Variants in RICTOR observed in about 807,000 individuals in gnomAD.
The protein encoded by RICTOR is rapamycin-insensitive companion of mTOR.
A neutral mutation model predicts 214.9 loss-of-function variants in RICTOR; 49 were observed. The ratio of observed to expected loss-of-function variants is 0.23; its 90% confidence interval spans 0.18 to 0.29. The LOEUF (loss-of-function observed/expected upper bound fraction) is 0.29, where lower values mean the gene tolerates loss of function less well. RICTOR is among the 10% of genes least tolerant of loss of function. RICTOR has a pLI of 1.00. For synonymous variants in RICTOR, 717 were observed against 711.3 expected, an observed-to-expected ratio of 1.01 and a Z score of -0.13; for missense variants, 1,625 against 2,047.0, an observed-to-expected ratio of 0.79 and a Z score of 3.98.
At chr5:38,949,589 T>C (rs1279568341) in intron 31 of RICTOR, 123 bp downstream of exon 31, 15 of 1,054,878 alleles carry the variant, frequency 1.4e-5, no homozygotes, top group African/African-American at 3.2e-5. Context: ...TAGCCTACCA[T>C]AGTAAACAAT....
chr5:39,025,595 G>A (rs1403961599), intron 2 of RICTOR, among the ~76,000 whole-genome samples: 2 of 152,186 alleles, frequency 1.3e-5, no homozygotes, highest in Non-Finnish European at 2.9e-5. Context: ...TAGTTCTGCA[G>A]GCTGCAAGTC....
At chr5:39,003,444 T>C in intron 4 of RICTOR, 114 bp downstream of exon 4, 1 of 654,450 alleles carries the variant, frequency 1.5e-6, no homozygotes, top group East Asian at 3.0e-5. Context: ...CAAGCAACTA[T>C]TTCTATAAAA....
At chr5:39,007,219 T>C (rs1754154892) in intron 3 of RICTOR, among the ~76,000 whole-genome samples, 1 of 152,192 alleles carries the variant, frequency 6.6e-6, no homozygotes, top group South Asian at 2.1e-4. Flanking sequence ...AACAGAAATG[T>C]ACTTTTTCAT....
At position 38,958,537 on chromosome 5, in the gene RICTOR, T is replaced by C. The variant is rs1211807739; in HGVS notation, c.2344-18A>G. On this transcript the variant is annotated intron_variant, in intron 23 of 37. Transcript: ENST00000357387. Reference sequence around the variant, plus strand: ...AGATTGGCCTAAAAGAGATTATCATTATTTTTTTATAATTGCACAAAAATA... The same window carrying C: ...AGATTGGCCTAAAAGAGATTATCATCATTTTTTTATAATTGCACAAAAATA... The C allele has an allele frequency of 1.9e-6, 3 of 1,593,912 alleles. No homozygotes were observed. The African/African-American group carries it at 4.0e-5, about 21-fold the overall frequency.
intron 2 of RICTOR, among the ~76,000 whole-genome samples, chr5:39,032,323 T>C (rs1188734872): frequency 2.0e-5 from 3 of 152,196 alleles, no homozygotes; most frequent in Admixed American, 6.5e-5. Flanking sequence ...CACATAATAA[T>C]CTTTTGATCA....
At chr5:39,003,042 T>C (rs569135662) in intron 4 of RICTOR, among the ~76,000 whole-genome samples, 37 of 152,240 alleles carry the variant, frequency 2.4e-4, no homozygotes, top group African/African-American at 7.9e-4. Flanking sequence ...GCCTACCTGG[T>C]TCCATACCTC....
In RICTOR at chr5:38,945,038, C is replaced by T. The variant is rs548393866; in HGVS notation, c.4664G>A (p.Cys1555Tyr). 3 of 1,609,970 alleles carry T rather than the reference C, an allele frequency of 1.9e-6. No individual in the cohort carries two copies. Among genetic ancestry groups the T allele is most frequent in the East Asian group, 2.2e-5 (1 of 44,844 alleles). ...DFQDIPYSDW[C>Y]EQTIHNPLEV... ...TAAAGGATTATGGATAGTCTGCTCA[C>T]ACCAATCAGAATATGGAATATCTTG... The change falls in exon 35 of 38, where the codon TGT (cysteine) becomes TAT (tyrosine). Residue 1555 changes from cysteine (C) to tyrosine (Y), a missense_variant. Cys to Tyr is a radical substitution (Grantham distance 194). Coordinates refer to ENST00000357387, the MANE Select transcript of RICTOR (RefSeq NM_152756.5).
At chr5:39,046,933 T>A (rs981200715) in intron 2 of RICTOR, among the ~76,000 whole-genome samples, 1 of 152,192 alleles carries the variant, frequency 6.6e-6, no homozygotes, top group Non-Finnish European at 1.5e-5. Flanking sequence ...AATTTTACCC[T>A]TTAAGTCAAT....
chr5:38,966,768 G>A lies in RICTOR; in HGVS notation c.1219-47C>T, dbSNP rs781602938. On this transcript the variant is annotated intron_variant, in intron 14 of 37. Transcript: ENST00000357387. ...ACCACTGTTGCAAAATAATACATATGAAAACATTTATGCATCAGATTTATT... is the reference window on the plus strand; with the variant it reads ...ACCACTGTTGCAAAATAATACATATAAAAACATTTATGCATCAGATTTATT... 7.0e-6 allele frequency: 7 copies of A among 998,838 alleles called. 1 individual carries two copies. The highest frequency in any genetic ancestry group is 2.9e-5 in the South Asian group (2 of 68,648). 61.9% of individuals were successfully genotyped at this position (998,838 alleles called of 1,614,324 possible).
intron 3 of RICTOR, among the ~76,000 whole-genome samples, chr5:39,019,417 G>C (rs561026283): frequency 1.3e-5 from 2 of 152,068 alleles, no homozygotes; most frequent in Admixed American, 1.3e-4. Flanking sequence ...AATGCAGCTC[G>C]TGACTTTAGA....
Position 38,949,859 on chromosome 5 carries a change from T to C in RICTOR, c.3989A>G (p.Tyr1330Cys), listed in dbSNP as rs2112847039. 6.2e-7 allele frequency: 1 copy of C among 1,613,484 alleles called. No individual in the cohort carries two copies. The highest frequency in any genetic ancestry group is 1.1e-5 in the South Asian group (1 of 91,060). The change falls in exon 31 of 38, where the codon TAT (tyrosine) becomes TGT (cysteine). Residue 1330 changes from tyrosine to cysteine, a missense_variant. Tyr to Cys is a radical substitution (Grantham distance 194). This residue lies in a region of RICTOR where 1,214 missense variants were observed against 1,470.5 expected (regional missense o/e 0.83). Coordinates refer to ENST00000357387, the MANE Select transcript of RICTOR (RefSeq NM_152756.5). ...TTGCTGTAGTCTTTTCAGTGTAGCA[T>C]AGCCAAAAGCATCTCTAGAACTTGT... ...SYTSSRDAFG[Y>C]ATLKRLQQQR... is the part of the protein sequence containing the mutation.
intron 3 of RICTOR, among the ~76,000 whole-genome samples, chr5:39,008,932 T>C (rs1045717364): frequency 1.3e-5 from 2 of 151,908 alleles, no homozygotes; most frequent in African/African-American, 4.8e-5. Context: ...ATATATAATA[T>C]AGAAAAATTA....
intron 2 of RICTOR, among the ~76,000 whole-genome samples, chr5:39,039,302 T>C (rs973791433): frequency 1.3e-5 from 2 of 152,092 alleles, no homozygotes; most frequent in African/African-American, 2.4e-5. Context: ...TTACACCTTA[T>C]ACAAAAATTA....
chr5:39,023,602 A>G (rs542461243), intron 2 of RICTOR, among the ~76,000 whole-genome samples: 1 of 152,350 alleles, frequency 6.6e-6, no homozygotes, highest in South Asian at 2.1e-4. Flanking sequence ...AATTTTTAAA[A>G]TACATTACCA....
intron 35 of RICTOR, 133 bp from the exon 36 acceptor site, chr5:38,944,702 A>G: frequency 1.1e-6 from 1 of 912,826 alleles, no homozygotes; most frequent in Non-Finnish European, 1.6e-6. Flanking sequence ...TCATTTTGGG[A>G]GCAAAACTCT....
chr5:38,983,114 T>G (rs867498302), intron 7 of RICTOR, among the ~76,000 whole-genome samples: 3 of 152,150 alleles, frequency 2.0e-5, no homozygotes, highest in Non-Finnish European at 4.4e-5. Context: ...TGAGTCCTCC[T>G]CCATTGCACA....
intron 2 of RICTOR, among the ~76,000 whole-genome samples, chr5:39,054,320 T>A (rs958544803): frequency 6.6e-6 from 1 of 152,090 alleles, no homozygotes; most frequent in Non-Finnish European, 1.5e-5. Flanking sequence ...CCACATGTCT[T>A]AGTGCTGGAT....
At chr5:38,948,308 C>T (rs895211283) in intron 31 of RICTOR, among the ~76,000 whole-genome samples, 2 of 152,038 alleles carry the variant, frequency 1.3e-5, no homozygotes, top group Non-Finnish European at 2.9e-5. Context: ...AAAAGAAATG[C>T]TTTCTAAATA....
chr5:38,990,548 G>GATATATATACGAT (rs150216191), intron 7 of RICTOR, among the ~76,000 whole-genome samples: 16 of 41,848 alleles, frequency 3.8e-4, no homozygotes, highest in South Asian at 2.0e-3. Flanking sequence ...ATATATACAC[G>GATATATATACGAT]ATATACACGA....
Sources: gnomAD v4.1 joint callset for allele counts (sites outside exome capture counted in the v4.1 genomes callset) on GRCh38, gnomAD v4.1.1 for gene constraint, gnomAD v4.1.1 regional missense constraint, MANE v1.5 for transcripts, NCBI Gene and HGNC (gene_info 2026-07-23, HGNC 2026-07-21) for gene names.